The following CCDC148 variants were observed in gnomAD, a reference collection of about 807,000 sequenced individuals.
CCDC148 encodes the protein coiled-coil domain containing 148.
A neutral mutation model predicts 85.7 loss-of-function variants in CCDC148; 89 were observed. The ratio of observed to expected loss-of-function variants is 1.04; its 90% CI spans 0.87 to 1.24. The LOEUF is 1.24. Ranked by LOEUF, CCDC148 falls within the 50% of genes most tolerant of loss-of-function variation. CCDC148 has a pLI of 0.00. For missense variants in CCDC148, 692 were observed against 671.7 expected (o/e 1.03, Z -0.33); for synonymous variants, 230 against 213.9 (o/e 1.08, Z -0.66).
At chr2:158,281,202 A>G (rs1167313361) in intron 9 of CCDC148, among the ~76,000 whole-genome samples, 1 of 152,070 alleles carries the variant, frequency 6.6e-6, no homozygotes, top group Non-Finnish European at 1.5e-5. Context: ...ACACCCTAAC[A>G]TCACAATTAA....
chr2:158,270,987 T>C (rs1689672918), intron 9 of CCDC148, among the ~76,000 whole-genome samples: 3 of 152,176 alleles, frequency 2.0e-5, no homozygotes, highest in Admixed American at 1.3e-4. Flanking sequence ...AAAATCTACA[T>C]TGGATTTGAT....
At chr2:158,380,025 C>A (rs58575796) in intron 1 of CCDC148, among the ~76,000 whole-genome samples, 3 of 152,006 alleles carry the variant, frequency 2.0e-5, no homozygotes, top group African/African-American at 7.2e-5. Flanking sequence ...TTGGCTCAAG[C>A]GATCCTCCTA....
rs137873189 is a variant in CCDC148, at chr2:158,340,260, G to T, written c.468C>A (p.Ser156=). The T allele has an allele frequency of 1.7e-5, 28 of 1,613,716 alleles. No homozygotes were observed. Among genetic ancestry groups the T allele is most frequent in the Non-Finnish European group, 2.4e-5 (28 of 1,179,860 alleles). Residue 156 remains serine, a synonymous_variant, in exon 5 of 14, where the codon TCC becomes TCA. Transcript: ENST00000283233. ...QHSHPHIEFN[S]MKVLEEVDFV... ...TACTAACCTCTTCCAATACTTTCATGGAGTTAAACTCAATATGTGGGTGTG... is the reference window on the plus strand; with the variant it reads ...TACTAACCTCTTCCAATACTTTCATTGAGTTAAACTCAATATGTGGGTGTG...
At chr2:158,282,945 A>G (rs1690404580) in intron 9 of CCDC148, among the ~76,000 whole-genome samples, 1 of 152,232 alleles carries the variant, frequency 6.6e-6, no homozygotes, top group Non-Finnish European at 1.5e-5. Context: ...AGATCAATGG[A>G]ACAGAACAGA....
intron 2 of CCDC148, among the ~76,000 whole-genome samples, chr2:158,347,748 C>T (rs756269594): frequency 1.2e-4 from 19 of 152,106 alleles, no homozygotes; most frequent in African/African-American, 4.3e-4. Flanking sequence ...GCTCTTTGAA[C>T]GAGAAGATCC....
intron 11 of CCDC148, among the ~76,000 whole-genome samples, chr2:158,204,228 C>T (rs1686114111): frequency 6.6e-6 from 1 of 152,126 alleles, no homozygotes; most frequent in South Asian, 2.1e-4. Flanking sequence ...AATTACAATA[C>T]AAAATGAGCG....
intron 9 of CCDC148, among the ~76,000 whole-genome samples, chr2:158,284,791 C>T (rs1317785133): frequency 6.6e-6 from 1 of 152,102 alleles, no homozygotes; most frequent in Non-Finnish European, 1.5e-5. Context: ...AGAGAAAGAA[C>T]CTGAGCCAGA....
intron 2 of CCDC148, 104 bp downstream of exon 2, chr2:158,358,345 A>C: frequency 7.3e-7 from 1 of 1,379,292 alleles, no homozygotes; most frequent in Non-Finnish European, 9.9e-7. Context: ...GGAGTTTCTA[A>C]CAACTATTTG....
At chr2:158,306,004 T>A (rs926322355) in intron 9 of CCDC148, among the ~76,000 whole-genome samples, 8 of 152,088 alleles carry the variant, frequency 5.3e-5, no homozygotes, top group Admixed American at 5.2e-4. Context: ...AAAGCCAGAC[T>A]CAAAGGCTAC....
intron 1 of CCDC148, among the ~76,000 whole-genome samples, chr2:158,450,906 T>A (rs1015403699): frequency 1.6e-4 from 24 of 152,252 alleles, no homozygotes; most frequent in Admixed American, 3.3e-4. Context: ...CTTCTATCCC[T>A]CCTTTCCTCC....
intron 2 of CCDC148, among the ~76,000 whole-genome samples, chr2:158,357,720 T>C (rs1399064871): frequency 6.6e-6 from 1 of 152,158 alleles, no homozygotes; most frequent in African/African-American, 2.4e-5. Context: ...TCAAATGTGC[T>C]TTGAAATAAT....
intron 1 of CCDC148, among the ~76,000 whole-genome samples, chr2:158,429,138 G>C (rs1687212926): frequency 6.6e-6 from 1 of 151,886 alleles, no homozygotes; most frequent in Non-Finnish European, 1.5e-5. Flanking sequence ...GCCTGTCGTG[G>C]GGTGGGGGCA....
At chr2:158,302,875 AACAG>A (rs1691510364) in intron 9 of CCDC148, among the ~76,000 whole-genome samples, 1 of 152,132 alleles carries the variant, frequency 6.6e-6, no homozygotes, top group Non-Finnish European at 1.5e-5. Context: ...GTGCACAGCT[AACAG>A]ACTGGTTCAG....
At chr2:158,452,240 G>C (rs1423204659) in intron 1 of CCDC148, among the ~76,000 whole-genome samples, 1 of 152,136 alleles carries the variant, frequency 6.6e-6, no homozygotes, top group Non-Finnish European at 1.5e-5. Flanking sequence ...CAAAGGAAAG[G>C]GGGTATGGGG....
intron 9 of CCDC148, among the ~76,000 whole-genome samples, chr2:158,273,868 A>C (rs1393438430): frequency 6.6e-6 from 1 of 151,970 alleles, no homozygotes; most frequent in Non-Finnish European, 1.5e-5. Flanking sequence ...TCCCCCACCC[A>C]ACCAAAAAAA....
At chr2:158,397,416 T>A (rs1685571509) in intron 1 of CCDC148, among the ~76,000 whole-genome samples, 1 of 152,132 alleles carries the variant, frequency 6.6e-6, no homozygotes, top group Non-Finnish European at 1.5e-5. Context: ...CCTATCAGAC[T>A]AACAGCGGAT....
At chr2:158,219,530 C>G (rs528350393) in intron 11 of CCDC148, among the ~76,000 whole-genome samples, 1 of 152,352 alleles carries the variant, frequency 6.6e-6, no homozygotes, top group South Asian at 2.1e-4. Context: ...TCCTACCATA[C>G]AGCTGCCAGC....
chr2:158,282,810 C>G (rs1286094147), intron 9 of CCDC148, among the ~76,000 whole-genome samples: 1 of 152,096 alleles, frequency 6.6e-6, no homozygotes, highest in Admixed American at 6.5e-5. Flanking sequence ...AAAAAGAGCC[C>G]ACATCGCCAA....
intron 1 of CCDC148, among the ~76,000 whole-genome samples, chr2:158,373,771 T>A (rs1684544162): frequency 1.3e-5 from 2 of 152,072 alleles, no homozygotes; most frequent in Admixed American, 1.3e-4. Context: ...CAATTATTCT[T>A]CACCCTCTCA....
Sources: allele counts gnomAD v4.1 joint callset (sites outside exome capture counted in the v4.1 genomes callset), GRCh38; gene constraint gnomAD v4.1.1; transcripts MANE v1.5; gene names NCBI Gene and HGNC (gene_info 2026-07-23, HGNC 2026-07-21).